ATP9B: variants seen among roughly 807,000 people sequenced by gnomAD.
ATP9B encodes the protein ATPase phospholipid transporting 9B, also known as probable phospholipid-transporting ATPase IIB.
A neutral mutation model predicts 146.1 loss-of-function variants in ATP9B; 110 were observed. That is an observed-to-expected ratio of 0.75 (90% CI 0.65 to 0.88). ATP9B has a LOEUF of 0.88. Among genes scored for constraint, ATP9B ranks in the 40% least tolerant of loss-of-function variants. The pLI, the probability that ATP9B is intolerant of heterozygous loss-of-function variation, is 0.00. For missense variants in ATP9B, 1,499 were observed against 1,496.4 expected (o/e 1.00, Z -0.03); for synonymous variants, 604 against 569.7 (o/e 1.06, Z -0.86).
Position 79,214,301 on chromosome 18 carries a change from G to A in ATP9B, c.1107+263G>A, listed in dbSNP as rs151263397. Reference sequence around the variant, plus strand: ...TCATTGTCAGATATATAATTTGCCCGTAATTTGACAGTTAATTGTGGCTAA... The same window carrying A: ...TCATTGTCAGATATATAATTTGCCCATAATTTGACAGTTAATTGTGGCTAA... On this transcript the variant is annotated intron_variant, in intron 11 of 29. Transcript: ENST00000426216. 3.6e-3 allele frequency among the ~76,000 whole-genome samples: 555 copies of A among 152,190 alleles called. 5 individuals are homozygous for A. The highest frequency in any genetic ancestry group is 0.024 in the Middle Eastern group (7 of 294).
intron 29 of ATP9B, 41 bp from the exon 30 acceptor site, chr18:79,377,206 C>T: frequency 1.9e-6 from 3 of 1,606,616 alleles, no homozygotes; most frequent in Non-Finnish European, 2.5e-6. Context: ...CCCAGGACTT[C>T]TTGGTCAGCT....
intron 9 of ATP9B, among the ~76,000 whole-genome samples, chr18:79,196,950 A>G (rs1399307085): frequency 1.3e-5 from 2 of 152,206 alleles, no homozygotes; most frequent in South Asian, 2.1e-4. Flanking sequence ...AAGGTAGGAG[A>G]GGCATAGAAG....
At chr18:79,147,989 G>T (rs9807784) in intron 6 of ATP9B, among the ~76,000 whole-genome samples, 37,087 of 151,902 alleles carry the variant, frequency 0.24, 7,158 homozygotes, top group African/African-American at 0.54. Flanking sequence ...ATGAAATAGG[G>T]GCTTTCACTA....
rs868471022 is a variant in ATP9B, at chr18:79,110,437, T to C, written c.376T>C (p.Cys126Arg). Residue 126 changes from cysteine (C) to arginine (R), a missense_variant, in exon 3 of 30, where the codon TGT (cysteine) becomes CGT (arginine). Transcript: ENST00000426216. ...AGTATGGCTTGGATGTCCTGAAAAGTGTGAAGAAAAACATCCCAGGAATTC... is the reference window on the plus strand; with the variant it reads ...AGTATGGCTTGGATGTCCTGAAAAGCGTGAAGAAAAACATCCCAGGAATTC... ...RTVWLGCPEK[C>R]EEKHPRNSIK... 1.9e-6 allele frequency: 3 copies of C among 1,612,916 alleles called. No homozygotes were observed. Among genetic ancestry groups the C allele is most frequent in the Middle Eastern group, 1.7e-4 (1 of 6,046 alleles).
chr18:79,133,309 A>T (rs2094404915), intron 5 of ATP9B, among the ~76,000 whole-genome samples: 1 of 152,212 alleles, frequency 6.6e-6, no homozygotes, highest in East Asian at 1.9e-4. Context: ...CTGGTATTAG[A>T]TTGGTGCAAA....
chr18:79,303,583 C>G, intron 13 of ATP9B, 21 bp from the exon 14 acceptor site: 1 of 1,597,740 alleles, frequency 6.3e-7, no homozygotes, highest in Non-Finnish European at 8.6e-7. Context: ...AATGTGTTTG[C>G]TGTTGTCCCC....
At chr18:79,144,457 T>G (rs1599869317) in intron 6 of ATP9B, among the ~76,000 whole-genome samples, 1 of 152,218 alleles carries the variant, frequency 6.6e-6, no homozygotes, top group East Asian at 1.9e-4. Context: ...AGGCATTAGA[T>G]TCTCATGAGG....
At chr18:79,122,176 C>T (rs1348835401) in intron 4 of ATP9B, among the ~76,000 whole-genome samples, 1 of 152,126 alleles carries the variant, frequency 6.6e-6, no homozygotes, top group Non-Finnish European at 1.5e-5. Context: ...AAAAAACACT[C>T]CTTTAAAATA....
At chr18:79,142,114 A>G (rs966509791) in intron 5 of ATP9B, among the ~76,000 whole-genome samples, 1 of 152,288 alleles carries the variant, frequency 6.6e-6, no homozygotes, top group East Asian at 1.9e-4. Context: ...TACTTTGTTC[A>G]TTGTGTAATA....
intron 8 of ATP9B, among the ~76,000 whole-genome samples, chr18:79,178,136 C>G (rs2095202980): frequency 6.6e-6 from 1 of 152,080 alleles, no homozygotes; most frequent in South Asian, 2.1e-4. Flanking sequence ...ACCTCCTCAC[C>G]TGAGGATGGG....
intron 13 of ATP9B, among the ~76,000 whole-genome samples, chr18:79,283,607 G>T (rs939333831): frequency 6.6e-6 from 1 of 152,198 alleles, no homozygotes. Context: ...GCACATTTCC[G>T]GTAAGATCTG....
chr18:79,121,231 C>G (rs2094183888), intron 4 of ATP9B, among the ~76,000 whole-genome samples: 1 of 152,188 alleles, frequency 6.6e-6, no homozygotes, highest in South Asian at 2.1e-4. Context: ...CCGCATTGTT[C>G]TTGGGTTATC....
chr18:79,181,928 A>G (rs1338988753), intron 8 of ATP9B, among the ~76,000 whole-genome samples: 1 of 152,182 alleles, frequency 6.6e-6, no homozygotes, highest in Non-Finnish European at 1.5e-5. Flanking sequence ...TTATAGGCCC[A>G]TACTTTCCTG....
intron 2 of ATP9B, among the ~76,000 whole-genome samples, chr18:79,100,632 A>G (rs982541574): frequency 1.3e-5 from 2 of 152,216 alleles, no homozygotes; most frequent in Non-Finnish European, 2.9e-5. Flanking sequence ...AATTAGCTAC[A>G]GGAATTGCAA....
intron 8 of ATP9B, among the ~76,000 whole-genome samples, chr18:79,182,540 G>T (rs1309470886): frequency 6.6e-6 from 1 of 151,950 alleles, no homozygotes. Context: ...CTTATGTGGG[G>T]CACATGGCTT....
intron 4 of ATP9B, among the ~76,000 whole-genome samples, chr18:79,125,269 G>A (rs1384969809): frequency 3.9e-5 from 6 of 152,210 alleles, no homozygotes; most frequent in Admixed American, 6.5e-5. Flanking sequence ...GCTGAAGAGA[G>A]ATGGCAGAGG....
chr18:79,120,577 A>C (rs1568218265), intron 4 of ATP9B, among the ~76,000 whole-genome samples: 1 of 152,228 alleles, frequency 6.6e-6, no homozygotes, highest in Non-Finnish European at 1.5e-5. Context: ...TGTCTGGATG[A>C]AGATTACTTT....
intron 1 of ATP9B, among the ~76,000 whole-genome samples, chr18:79,073,398 G>A (rs1258249260): frequency 1.3e-5 from 2 of 152,214 alleles, no homozygotes; most frequent in East Asian, 1.9e-4. Context: ...AGGCCGAGGC[G>A]GGCAGACCAC....
Position 79,123,519 on chromosome 18 carries a change from CT to C in ATP9B, c.559-2737del, listed in dbSNP as rs1041190520. 1.3e-3 allele frequency among the ~76,000 whole-genome samples: 187 copies of C among 144,582 alleles called. 1 individual carries two copies. The highest frequency in any genetic ancestry group is 3.1e-3 in the South Asian group (14 of 4,560). 94.9% of individuals were successfully genotyped at this position (144,582 alleles called of 152,430 possible). On this transcript the variant is annotated intron_variant, in intron 4 of 29. Coordinates refer to ENST00000426216, the MANE Select transcript of ATP9B (RefSeq NM_198531.5). ...CAACTCCTAACAGTATCCTAGCTGG[CT>C]TTTTTTTTTTCTTTATGTTTTTAAA...
Sources: allele counts gnomAD v4.1 joint callset (sites outside exome capture counted in the v4.1 genomes callset), GRCh38; gene constraint gnomAD v4.1.1; transcripts MANE v1.5; gene names NCBI Gene and HGNC (gene_info 2026-07-23, HGNC 2026-07-21).